APBA2: variants seen among roughly 807,000 people sequenced by gnomAD.
APBA2 encodes amyloid beta precursor protein binding family A member 2, also known as amyloid-beta A4 precursor protein-binding family A member 2.
Under a neutral mutation model 75.0 loss-of-function variants are expected in APBA2, and 30 were observed. The observed-to-expected ratio is 0.40, with a 90% CI of 0.30 to 0.54. APBA2 has a LOEUF of 0.54. APBA2 is among the 20% of genes least tolerant of loss of function. The pLI, the probability that APBA2 is intolerant of heterozygous loss-of-function variation, is 0.49. For synonymous variants in APBA2, 444 were observed against 409.6 expected (o/e 1.08, Z -1.01); for missense variants, 801 against 1,016.1 (o/e 0.79, Z 2.88).
intron 2 of APBA2, among the ~76,000 whole-genome samples, chr15:28,969,128 T>TTCTCTTTCTTTCTTTCTTTCTTTCTTTC (rs755972827): frequency 2.9e-5 from 4 of 137,142 alleles, no homozygotes; most frequent in South Asian, 2.5e-4. Flanking sequence ...TTTCATTTCT[T>TTCTCTTTCTTTCTTTCTTTCTTTCTTTC]TTTCTTTCTT....
intron 3 of APBA2, among the ~76,000 whole-genome samples, chr15:29,019,350 A>C (rs1195138035): frequency 6.6e-6 from 1 of 152,128 alleles, no homozygotes; most frequent in Non-Finnish European, 1.5e-5. Flanking sequence ...ATTTAGGGAG[A>C]AATTATTTGC....
At chr15:28,941,780 G>A (rs1396734873) in intron 2 of APBA2, among the ~76,000 whole-genome samples, 1 of 152,132 alleles carries the variant, frequency 6.6e-6, no homozygotes, top group Admixed American at 6.5e-5. Flanking sequence ...ATTTAGAGAT[G>A]GAGTCTCGCT....
intron 3 of APBA2, among the ~76,000 whole-genome samples, chr15:29,050,914 T>C (rs2041565001): frequency 6.6e-6 from 1 of 152,200 alleles, no homozygotes; most frequent in Non-Finnish European, 1.5e-5. Context: ...GGCACCGCTA[T>C]GCAAGGAATG....
intron 2 of APBA2, among the ~76,000 whole-genome samples, chr15:28,985,703 G>A (rs936218276): frequency 6.6e-5 from 10 of 152,360 alleles, no homozygotes; most frequent in Admixed American, 5.9e-4. Flanking sequence ...TTCGAGACTG[G>A]TACAGATGGG....
chr15:28,975,976 C>T (rs1015626198), intron 2 of APBA2, among the ~76,000 whole-genome samples: 7 of 152,216 alleles, frequency 4.6e-5, no homozygotes, highest in African/African-American at 9.7e-5. Flanking sequence ...ATGCCTCCTT[C>T]CTGAATTTAC....
chr15:28,915,080 C>T (rs1385929262), intron 1 of APBA2, among the ~76,000 whole-genome samples: 3 of 145,370 alleles, frequency 2.1e-5, no homozygotes, highest in Admixed American at 6.9e-5. Context: ...CCATATACAC[C>T]ACACACCACA....
intron 8 of APBA2, among the ~76,000 whole-genome samples, chr15:29,096,677 A>G (rs2043864544): frequency 6.6e-6 from 1 of 152,228 alleles, no homozygotes; most frequent in South Asian, 2.1e-4. Flanking sequence ...TATTATTACA[A>G]TACCGGGCCT....
intron 2 of APBA2, among the ~76,000 whole-genome samples, chr15:28,938,185 G>T (rs2034987927): frequency 6.6e-6 from 1 of 152,142 alleles, no homozygotes; most frequent in Non-Finnish European, 1.5e-5. Context: ...CGGTGCCCTG[G>T]ATCTCAGCAA....
At chr15:29,024,067 C>T (rs992247844) in intron 3 of APBA2, among the ~76,000 whole-genome samples, 9 of 151,868 alleles carry the variant, frequency 5.9e-5, no homozygotes, top group Middle Eastern at 3.4e-3. Flanking sequence ...CCATGCCTGG[C>T]TAATTTTTGT....
chr15:29,035,195 G>A (rs964697400), intron 3 of APBA2, among the ~76,000 whole-genome samples: 2 of 152,176 alleles, frequency 1.3e-5, no homozygotes, highest in Admixed American at 6.5e-5. Flanking sequence ...GGTCACCTGG[G>A]GCCACTGCCC....
Position 28,917,517 on chromosome 15 carries a change from T to C in APBA2, c.-204-4123T>C, listed in dbSNP as rs75810553. 1.9e-3 allele frequency among the ~76,000 whole-genome samples: 292 copies of C among 152,320 alleles called. 2 individuals carry two copies. The highest frequency in any genetic ancestry group is 6.4e-3 in the African/African-American group (268 of 41,580). ...AAAATTAATAGATTTAATTTTTTTTTCAGCAGTTTTAGGTTTATGGAGAAA... is the reference window on the plus strand; with the variant it reads ...AAAATTAATAGATTTAATTTTTTTTCCAGCAGTTTTAGGTTTATGGAGAAA... On this transcript the variant is annotated intron_variant, in intron 1 of 14. Transcript: ENST00000683413.
intron 9 of APBA2, 131 bp downstream of exon 9, chr15:29,098,707 T>G: frequency 2.0e-5 from 16 of 790,820 alleles, no homozygotes; most frequent in African/African-American, 3.4e-5. Flanking sequence ...CCAAGGCCCA[T>G]AGCCCGGGCT....
At chr15:29,003,443 GT>G (rs2038954842) in intron 3 of APBA2, among the ~76,000 whole-genome samples, 1 of 152,196 alleles carries the variant, frequency 6.6e-6, no homozygotes, top group African/African-American at 2.4e-5. Context: ...GACTCTTGCT[GT>G]TTGAGGAAAG....
chr15:28,949,391 A>G (rs1037194618), intron 2 of APBA2, among the ~76,000 whole-genome samples: 4 of 152,122 alleles, frequency 2.6e-5, no homozygotes, highest in African/African-American at 9.7e-5. Context: ...GGGTGCATGG[A>G]TGGATGCGTT....
intron 3 of APBA2, among the ~76,000 whole-genome samples, chr15:29,030,056 C>T (rs1216222411): frequency 1.3e-5 from 2 of 152,190 alleles, no homozygotes; most frequent in Non-Finnish European, 2.9e-5. Flanking sequence ...TGCAGGGTTG[C>T]AGAAGAACTA....
intron 2 of APBA2, among the ~76,000 whole-genome samples, chr15:28,994,809 A>T (rs529254846): frequency 6.6e-6 from 1 of 152,250 alleles, no homozygotes; most frequent in African/African-American, 2.4e-5. Flanking sequence ...TCCCCAGTGA[A>T]TGGGGCTCTT....
chr15:28,915,026 CCACACACAT>C (rs2033601804), intron 1 of APBA2, among the ~76,000 whole-genome samples: 1 of 141,660 alleles, frequency 7.1e-6, no homozygotes, highest in South Asian at 2.3e-4. Flanking sequence ...ACCACACACA[CCACACACAT>C]ACCATGCCTA....
chr15:28,911,039 C>A (rs1489766058), intron 1 of APBA2, among the ~76,000 whole-genome samples: 1 of 152,142 alleles, frequency 6.6e-6, no homozygotes, highest in East Asian at 1.9e-4. Context: ...TAGTAAACAT[C>A]TTCTAGGTTT....
intron 6 of APBA2, among the ~76,000 whole-genome samples, chr15:29,080,683 C>A (rs2043049045): frequency 6.6e-6 from 1 of 152,314 alleles, no homozygotes; most frequent in South Asian, 2.1e-4. Flanking sequence ...TGTCTGGCAG[C>A]AGCTTGAGCC....
Sources: allele counts gnomAD v4.1 joint callset (sites outside exome capture counted in the v4.1 genomes callset), GRCh38; gene constraint gnomAD v4.1.1; transcripts MANE v1.5; gene names NCBI Gene and HGNC (gene_info 2026-07-23, HGNC 2026-07-21).